The following DGKI variants were observed in gnomAD, a reference collection of about 807,000 sequenced individuals.
DGKI encodes the protein diacylglycerol kinase iota.
Under a neutral mutation model 147.5 loss-of-function variants are expected in DGKI, and 55 were observed. The ratio of observed to expected loss-of-function variants is 0.37; its 90% CI spans 0.30 to 0.47. The LOEUF is 0.47. Ranked by LOEUF, DGKI falls within the 20% of genes least tolerant of loss-of-function variation. The pLI is 1.00. For synonymous variants in DGKI, 469 were observed against 477.1 expected, an observed-to-expected ratio of 0.98 and a Z score of 0.22; for missense variants, 1,007 against 1,323.8, an observed-to-expected ratio of 0.76 and a Z score of 3.71.
chr7:137,605,510 CAA>C (rs1003772675), intron 10 of DGKI, among the ~76,000 whole-genome samples: 5 of 151,862 alleles, frequency 3.3e-5, no homozygotes, highest in Non-Finnish European at 5.9e-5. Flanking sequence ...GTTGGAAAAA[CAA>C]AGAGACAATT....
chr7:137,578,010 A>T (rs74606992), intron 16 of DGKI, among the ~76,000 whole-genome samples: 1,530 of 152,264 alleles, frequency 0.01, 9 homozygotes, highest in Non-Finnish European at 0.015. Context: ...TTTGAATAGC[A>T]TCTTCTCTTG....
intron 1 of DGKI, among the ~76,000 whole-genome samples, chr7:137,708,938 G>A (rs190287182): frequency 5.6e-4 from 85 of 152,118 alleles, no homozygotes; most frequent in Non-Finnish European, 8.4e-4. Context: ...ACACAGTAAA[G>A]GTTTTGAAAA....
chr7:137,459,888 C>T (rs1327625020), intron 27 of DGKI, among the ~76,000 whole-genome samples: 1 of 152,094 alleles, frequency 6.6e-6, no homozygotes, highest in Non-Finnish European at 1.5e-5. Flanking sequence ...GATTCTTTTT[C>T]CAATTTATCA....
rs60494368 is a variant in DGKI at position 137,422,595 on chromosome 7, C to CTTTTTTTT, written c.2762-10396_2762-10389dup. Among the ~76,000 whole-genome samples, 396 of 61,990 alleles carry CTTTTTTTT rather than the reference C, an allele frequency of 6.4e-3. 28 individuals are homozygous for CTTTTTTTT. Among genetic ancestry groups the CTTTTTTTT allele is most frequent in the African/African-American group, 7.6e-3 (117 of 15,404 alleles). The allele number at this position is 61,990 out of a possible 152,430, so 40.7% of individuals were successfully genotyped here. A position where few individuals can be genotyped will look rare whatever the true frequency, so the allele number is the denominator to read the frequency against. On this transcript the variant is annotated intron_variant, in intron 28 of 32. Transcript: ENST00000614521. Reference sequence around the variant, plus strand: ...TTGTAAAGCATTTTCTTTTTCTTTTCTTTTTTTTTTTTTTTTTTTTTTTTT... The same window carrying CTTTTTTTT: ...TTGTAAAGCATTTTCTTTTTCTTTTCTTTTTTTTTTTTTTTTTTTTTTTTTTTTTTTTT...
chr7:137,391,195 T>C lies in DGKI; in HGVS notation c.*25A>G, dbSNP rs745875697. Reference sequence around the variant, plus strand: ...AGGGCAGATGTGATACGCTTGCTCATGTCCTCTTTGCCCGAATACCAGGGT... The same window carrying C: ...AGGGCAGATGTGATACGCTTGCTCACGTCCTCTTTGCCCGAATACCAGGGT... On this transcript the variant is annotated 3_prime_UTR_variant, in exon 33 of 33. Coordinates refer to ENST00000614521, the MANE Select transcript of DGKI (RefSeq NM_001321708.2). 12 of 1,571,308 alleles carry C rather than the reference T, an allele frequency of 7.6e-6. 1 individual carries two copies. The African/African-American group carries it at 8.1e-5, about 11-fold the overall frequency.
intron 1 of DGKI, among the ~76,000 whole-genome samples, chr7:137,809,248 C>T (rs558030619): frequency 1.6e-4 from 24 of 152,048 alleles, no homozygotes; most frequent in African/African-American, 5.1e-4. Context: ...AAACTGGAGA[C>T]GGGAACAGGA....
intron 28 of DGKI, among the ~76,000 whole-genome samples, chr7:137,414,129 G>C (rs1255018190): frequency 6.6e-6 from 1 of 152,172 alleles, no homozygotes; most frequent in Non-Finnish European, 1.5e-5. Flanking sequence ...CTGTCACTGA[G>C]CAAAACCCCC....
At chr7:137,747,732 C>T (rs1795383400) in intron 1 of DGKI, among the ~76,000 whole-genome samples, 1 of 152,106 alleles carries the variant, frequency 6.6e-6, no homozygotes, top group South Asian at 2.1e-4. Context: ...AACACCATCA[C>T]CAAGCTTCCT....
At chr7:137,743,613 C>T (rs897638736) in intron 1 of DGKI, among the ~76,000 whole-genome samples, 5 of 152,028 alleles carry the variant, frequency 3.3e-5, no homozygotes, top group East Asian at 1.9e-4. Flanking sequence ...CATACCAAAA[C>T]GTCTACATCA....
intron 23 of DGKI, among the ~76,000 whole-genome samples, chr7:137,474,545 G>T (rs1251067062): frequency 1.3e-5 from 2 of 152,212 alleles, no homozygotes; most frequent in African/African-American, 4.8e-5. Flanking sequence ...GGTGGCGGTG[G>T]TGGATGCTGG....
Position 137,387,607 on chromosome 7 carries a change from T to C in DGKI, c.*3613A>G, listed in dbSNP as rs1178247417. The C allele has an allele frequency of 6.6e-6, 1 of 152,190 alleles. No homozygotes were observed. Among genetic ancestry groups the C allele is most frequent in the Non-Finnish European group, 1.5e-5 (1 of 68,028 alleles). The allele number at this position is 152,190 out of a possible 1,614,324, so 9.4% of individuals were successfully genotyped here. A position where few individuals can be genotyped will look rare whatever the true frequency, so the allele number is the denominator to read the frequency against. On this transcript the variant is annotated 3_prime_UTR_variant, in exon 33 of 33. Coordinates refer to ENST00000614521, the MANE Select transcript of DGKI (RefSeq NM_001321708.2). ...GCGTATATACATACATACTTGTGCA[T>C]GAACGGATGGGGTATTTCTGACATC...
chr7:137,459,932 T>G (rs940408808), intron 27 of DGKI, among the ~76,000 whole-genome samples: 1 of 152,158 alleles, frequency 6.6e-6, no homozygotes, highest in South Asian at 2.1e-4. Context: ...ACACAATCAT[T>G]TTTCCCTTGA....
At chr7:137,595,223 T>C (rs1484759592) in intron 12 of DGKI, among the ~76,000 whole-genome samples, 2 of 152,198 alleles carry the variant, frequency 1.3e-5, no homozygotes, top group Non-Finnish European at 2.9e-5. Context: ...ATAGGAGAAG[T>C]AGGTAGTCTA....
intron 1 of DGKI, among the ~76,000 whole-genome samples, chr7:137,761,420 C>A (rs1239407444): frequency 1.3e-5 from 2 of 152,232 alleles, no homozygotes; most frequent in Non-Finnish European, 2.9e-5. Context: ...GCAGGGGCTA[C>A]CTCACCTGGT....
chr7:137,623,959 G>A (rs375513781), intron 6 of DGKI, among the ~76,000 whole-genome samples: 4 of 151,174 alleles, frequency 2.6e-5, no homozygotes, highest in East Asian at 1.9e-4. Flanking sequence ...TTTAGCATCC[G>A]AGAACCCAGA....
In DGKI at chr7:137,391,185, C is replaced by T. The variant is rs368013234; in HGVS notation, c.*35G>A. The T allele has an allele frequency of 2.2e-5, 33 of 1,520,530 alleles. No individual in the cohort carries two copies. The Middle Eastern group carries it at 5.7e-4, about 26-fold the overall frequency. The allele number at this position is 1,520,530 out of a possible 1,614,324, so 94.2% of individuals were successfully genotyped here. A position where few individuals can be genotyped will look rare whatever the true frequency, so the allele number is the denominator to read the frequency against. On this transcript the variant is annotated 3_prime_UTR_variant, in exon 33 of 33. Transcript: ENST00000614521. The stretch of plus-strand genomic sequence containing the variant: ...AATTGCAGGGAGGGCAGATGTGATA[C>T]GCTTGCTCATGTCCTCTTTGCCCGA...
chr7:137,420,813 G>A (rs1400299643), intron 28 of DGKI, among the ~76,000 whole-genome samples: 2 of 152,142 alleles, frequency 1.3e-5, no homozygotes, highest in African/African-American at 4.8e-5. Flanking sequence ...GAGGTCAGGA[G>A]TTTGAGATCA....
chr7:137,516,773 G>T (rs1339555499), intron 21 of DGKI, among the ~76,000 whole-genome samples: 1 of 151,996 alleles, frequency 6.6e-6, no homozygotes, highest in Non-Finnish European at 1.5e-5. Flanking sequence ...TGCATGAATG[G>T]TTGAATGGCT....
At chr7:137,393,234 T>TTA (rs1554394737) in intron 32 of DGKI, among the ~76,000 whole-genome samples, 5 of 151,292 alleles carry the variant, frequency 3.3e-5, no homozygotes, top group Admixed American at 6.6e-5. Flanking sequence ...CATTTTTTTT[T>TTA]AAAAAAAGCA....
Sources: allele counts gnomAD v4.1 joint callset (sites outside exome capture counted in the v4.1 genomes callset), GRCh38; gene constraint gnomAD v4.1.1; transcripts MANE v1.5; gene names NCBI Gene and HGNC (gene_info 2026-07-23, HGNC 2026-07-21).